Variants in ANKRD11 observed in about 807,000 individuals in gnomAD.
The protein encoded by ANKRD11 is ankyrin repeat domain-containing protein 11.
In ANKRD11, 17 loss-of-function variants were observed where a neutral mutation model predicts 195.7. The observed-to-expected ratio is 0.09, with a 90% CI of 0.06 to 0.13. The LOEUF (loss-of-function observed/expected upper bound fraction) is 0.13, where lower values mean the gene tolerates loss of function less well. Among genes scored for constraint, ANKRD11 ranks in the 10% least tolerant of loss-of-function variants. The pLI is 1.00. For synonymous variants in ANKRD11, 1,953 were observed against 1,528.1 expected, an observed-to-expected ratio of 1.28 and a Z score of -6.49; for missense variants, 3,735 against 3,566.1, an observed-to-expected ratio of 1.05 and a Z score of -1.21.
chr16:89,328,317 G>A lies in ANKRD11; in HGVS notation c.-59-11239C>T, dbSNP rs141258808. On this transcript the variant is annotated intron_variant, in intron 2 of 12. Coordinates refer to ENST00000301030, the MANE Select transcript of ANKRD11 (RefSeq NM_013275.6). ...TTACGAACCTAAGTGTGCGCTTGCTGCCCCACTCAACAACTGCACCCCAGG... is the reference window on the plus strand; with the variant it reads ...TTACGAACCTAAGTGTGCGCTTGCTACCCCACTCAACAACTGCACCCCAGG... Among the ~76,000 whole-genome samples, 665 of 152,282 alleles carry A rather than the reference G, an allele frequency of 4.4e-3. 6 individuals carry two copies. The highest frequency in any genetic ancestry group is 0.016 in the African/African-American group (645 of 41,544).
Position 89,282,031 on chromosome 16 carries a change from G to C in ANKRD11, c.4511C>G (p.Thr1504Ser). Reference protein sequence around the residue: ...RHHRDEQKPATRDKDSPPRVL... With the variant: ...RHHRDEQKPASRDKDSPPRVL... ...GCGGGGCGGGCTGTCCTTGTCCCTGGTGGCGGGCTTCTGCTCGTCCCTGTG... is the reference window on the plus strand; with the variant it reads ...GCGGGGCGGGCTGTCCTTGTCCCTGCTGGCGGGCTTCTGCTCGTCCCTGTG... The change falls in exon 9 of 13, where the codon ACC becomes AGC. Residue 1504 changes from threonine (T) to serine (S), a missense_variant. Thr to Ser is a moderately conservative substitution (Grantham distance 58). Coordinates refer to ENST00000301030, the MANE Select transcript of ANKRD11 (RefSeq NM_013275.6). The C allele has an allele frequency of 3.1e-6, 5 of 1,613,358 alleles. No homozygotes were observed. Among genetic ancestry groups the C allele is most frequent in the Non-Finnish European group, 4.2e-6 (5 of 1,179,940 alleles).
chr16:89,330,630 G>A (rs149497497), intron 2 of ANKRD11, among the ~76,000 whole-genome samples: 2 of 135,832 alleles, frequency 1.5e-5, no homozygotes, highest in Admixed American at 7.7e-5. Flanking sequence ...CTCGTGACAC[G>A]GCAGTAGGTT....
chr16:89,465,293 C>T (rs1208861290), intron 1 of ANKRD11, among the ~76,000 whole-genome samples: 1 of 152,152 alleles, frequency 6.6e-6, no homozygotes, highest in Non-Finnish European at 1.5e-5. Context: ...AATCTAAACC[C>T]TAAAAATAGC....
chr16:89,295,825 T>A (rs1238205572), intron 4 of ANKRD11, among the ~76,000 whole-genome samples: 2 of 113,388 alleles, frequency 1.8e-5, no homozygotes, highest in African/African-American at 7.1e-5. Context: ...GCAGGTGGGA[T>A]CGGAGGGGGG....
At chr16:89,463,068 C>T (rs1170629681) in intron 1 of ANKRD11, among the ~76,000 whole-genome samples, 2 of 148,840 alleles carry the variant, frequency 1.3e-5, no homozygotes, top group African/African-American at 2.5e-5. Flanking sequence ...AGCCCCCCCG[C>T]CCGGCCAGCC....
chr16:89,309,230 C>T (rs918377593), intron 3 of ANKRD11, among the ~76,000 whole-genome samples: 2 of 152,164 alleles, frequency 1.3e-5, no homozygotes, highest in Non-Finnish European at 2.9e-5. Context: ...AAATGCTGGG[C>T]ATGGCCACAG....
intron 2 of ANKRD11, among the ~76,000 whole-genome samples, chr16:89,368,398 T>G (rs867875076): frequency 0.029 from 4,076 of 141,836 alleles, 185 homozygotes; most frequent in African/African-American, 0.075. Context: ...TTTTTTTTTT[T>G]TTTTAGTAGA....
At position 89,474,741 on chromosome 16, in the gene ANKRD11, C is replaced by G. The variant is rs577570573; in HGVS notation, c.-145+15504G>C. 2.0e-5 allele frequency among the ~76,000 whole-genome samples: 3 copies of G among 152,296 alleles called. No individual in the cohort carries two copies. In the South Asian group the frequency reaches 6.2e-4, roughly 32 times the overall value. ...CTCACAGCTTCAATTATTTCATACT[C>G]AATCACTATATTCCAAGTTTTTTAT... On this transcript the variant is annotated intron_variant, in intron 1 of 12. Coordinates refer to ENST00000301030, the MANE Select transcript of ANKRD11 (RefSeq NM_013275.6).
rs950565808 is a variant in ANKRD11, at chr16:89,284,198, A to T, written c.2344T>A (p.Leu782Ile). ...RPSKLEKKNDLKEDKISKEKE... is the reference protein window; with the variant it reads ...RPSKLEKKNDIKEDKISKEKE... ...TCTTTTGAAATTTTGTCCTCTTTTA[A>T]ATCATTCTTCTTCTCTAATTTTGAG... is the stretch of plus-strand genomic sequence containing the variant. The change falls in exon 9 of 13, where the codon TTA becomes ATA. Residue 782 changes from leucine (L) to isoleucine (I), a missense_variant. By Grantham distance (5) the Leu-to-Ile change is conservative. Coordinates refer to ENST00000301030, the MANE Select transcript of ANKRD11 (RefSeq NM_013275.6). 2 of 1,610,476 alleles carry T rather than the reference A, an allele frequency of 1.2e-6. No homozygotes were observed. The highest frequency in any genetic ancestry group is 1.7e-6 in the Non-Finnish European group (2 of 1,179,292).
At chr16:89,438,451 C>T (rs754313099) in intron 1 of ANKRD11, among the ~76,000 whole-genome samples, 1 of 152,002 alleles carries the variant, frequency 6.6e-6, no homozygotes. Context: ...ACCCGAGTAG[C>T]TGGGACTACT....
chr16:89,273,873 G>A (rs2033402860), intron 11 of ANKRD11, among the ~76,000 whole-genome samples: 1 of 152,118 alleles, frequency 6.6e-6, no homozygotes. Flanking sequence ...GCCCAGGGCT[G>A]GGGTGGCGTC....
intron 2 of ANKRD11, among the ~76,000 whole-genome samples, chr16:89,404,704 A>G (rs2041837683): frequency 6.6e-6 from 1 of 152,248 alleles, no homozygotes; most frequent in Non-Finnish European, 1.5e-5. Context: ...CCTTCCTACA[A>G]GCACACAGAG....
chr16:89,392,118 ATGGAAAC>A (rs1179089399), intron 2 of ANKRD11, among the ~76,000 whole-genome samples: 4 of 152,194 alleles, frequency 2.6e-5, no homozygotes, highest in Non-Finnish European at 4.4e-5. Context: ...GTTCCAGCCA[ATGGAAAC>A]CGGACACAGC....
chr16:89,284,771 G>A lies in ANKRD11; in HGVS notation c.1771C>T (p.Pro591Ser), dbSNP rs1225057173. 1 of 1,613,510 alleles carries A rather than the reference G, an allele frequency of 6.2e-7. No homozygotes were observed. The highest frequency in any genetic ancestry group is 2.2e-5 in the East Asian group (1 of 44,882). Reference protein sequence around the residue: ...SEGSSVESLKPVRKRQEHRKR... With the variant: ...SEGSSVESLKSVRKRQEHRKR... ...CTGTGCTCCTGCCTCTTCCTCACTG[G>A]CTTCAGCGATTCCACACTGGAGCCC... Residue 591 changes from proline (P) to serine (S), a missense_variant, in exon 9 of 13, where the codon CCA becomes TCA. Pro to Ser is a moderately conservative substitution (Grantham distance 74, BLOSUM62 -1). Transcript: ENST00000301030.
At chr16:89,428,135 G>GA in intron 1 of ANKRD11, among the ~76,000 whole-genome samples, 1 of 152,230 alleles carries the variant, frequency 6.6e-6, no homozygotes, top group Non-Finnish European at 1.5e-5. Context: ...TTGAACCCAG[G>GA]AGGCAGAGGT....
intron 9 of ANKRD11, among the ~76,000 whole-genome samples, chr16:89,275,451 A>G (rs780085810): frequency 6.6e-6 from 1 of 152,226 alleles, no homozygotes; most frequent in Non-Finnish European, 1.5e-5. Context: ...GGCGCGGGAC[A>G]GTATCTGTGG....
chr16:89,447,899 G>A lies in ANKRD11; in HGVS notation c.-144-29531C>T, dbSNP rs1308951993. Among the ~76,000 whole-genome samples the A allele has an allele frequency of 2.7e-5, 4 of 150,132 alleles. No individual in the cohort carries two copies. In the East Asian group the frequency reaches 7.8e-4, roughly 29 times the overall value. On this transcript the variant is annotated intron_variant, in intron 1 of 12. Transcript: ENST00000301030. Reference sequence around the variant, plus strand: ...AGCTCACTGCAACCTCCACTTCCCAGGTTCAAGCAATTGTCCTGTCTCAGC... The same window carrying A: ...AGCTCACTGCAACCTCCACTTCCCAAGTTCAAGCAATTGTCCTGTCTCAGC...
At chr16:89,432,747 C>A (rs946284004) in intron 1 of ANKRD11, among the ~76,000 whole-genome samples, 4 of 152,004 alleles carry the variant, frequency 2.6e-5, no homozygotes, top group Admixed American at 2.6e-4. Context: ...GAGTTCAAGA[C>A]CAGCCTGGGC....
At chr16:89,336,107 T>C (rs1276231873) in intron 2 of ANKRD11, among the ~76,000 whole-genome samples, 3 of 152,248 alleles carry the variant, frequency 2.0e-5, no homozygotes, top group African/African-American at 4.8e-5. Flanking sequence ...GCTGATCGTT[T>C]TCAGCCACAC....
Sources: gnomAD v4.1 joint callset for allele counts (sites outside exome capture counted in the v4.1 genomes callset) on GRCh38, gnomAD v4.1.1 for gene constraint, MANE v1.5 for transcripts, NCBI Gene and HGNC (gene_info 2026-07-23, HGNC 2026-07-21) for gene names.